Variants in INPP4B observed in about 807,000 individuals in gnomAD.
INPP4B encodes the protein inositol polyphosphate-4-phosphatase type II B.
In INPP4B, 55 loss-of-function variants were observed where a neutral mutation model predicts 122.5. That is an observed-to-expected ratio of 0.45 (90% CI 0.36 to 0.56). INPP4B has a LOEUF of 0.56. Among genes scored for constraint, INPP4B ranks in the 20% least tolerant of loss-of-function variants. INPP4B has a pLI of 0.00. For missense variants in INPP4B, 1,000 were observed against 1,097.7 expected, an observed-to-expected ratio of 0.91 and a Z score of 1.26; for synonymous variants, 403 against 388.7, an observed-to-expected ratio of 1.04 and a Z score of -0.43.
At chr4:142,555,175 G>T (rs1728872146) in intron 2 of INPP4B, among the ~76,000 whole-genome samples, 1 of 152,316 alleles carries the variant, frequency 6.6e-6, no homozygotes, top group Middle Eastern at 3.4e-3. Context: ...AAAGAGATGG[G>T]TTATGAGACA....
At chr4:142,517,651 G>T (rs192801342) in intron 2 of INPP4B, among the ~76,000 whole-genome samples, 1 of 152,034 alleles carries the variant, frequency 6.6e-6, no homozygotes, top group South Asian at 2.1e-4. Context: ...TCTTCAAAAC[G>T]TCTTAAGTTG....
At chr4:142,180,411 C>T (rs1830251711) in intron 15 of INPP4B, among the ~76,000 whole-genome samples, 1 of 151,932 alleles carries the variant, frequency 6.6e-6, no homozygotes, top group African/African-American at 2.4e-5. Flanking sequence ...CTAATAAAGC[C>T]AATATTTTAT....
chr4:142,157,377 C>T lies in INPP4B; in HGVS notation c.1563+2981G>A, dbSNP rs994491341. Among the ~76,000 whole-genome samples, 5 of 151,980 alleles carry T rather than the reference C, an allele frequency of 3.3e-5. No individual in the cohort carries two copies. In the East Asian group the frequency reaches 9.7e-4, roughly 29 times the overall value. ...GGAAAATCAATGAAAATGTTATATA[C>T]CAAACAAACTCGGTTCTTGTTTGCA... On this transcript the variant is annotated intron_variant, in intron 17 of 25. Coordinates refer to ENST00000262992, the MANE Select transcript of INPP4B (RefSeq NM_001101669.3).
Position 142,550,587 on chromosome 4 carries a change from T to TAC in INPP4B, c.-190-87862_-190-87861insGT, listed in dbSNP as rs1473832625. 4.8e-3 allele frequency among the ~76,000 whole-genome samples: 245 copies of TAC among 51,074 alleles called. 3 individuals are homozygous for TAC. The highest frequency in any genetic ancestry group is 0.02 in the Middle Eastern group (2 of 102). 33.5% of individuals were successfully genotyped at this position (51,074 alleles called of 152,430 possible). A position where few individuals can be genotyped will look rare whatever the true frequency, so the allele number is the denominator to read the frequency against. On this transcript the variant is annotated intron_variant, in intron 2 of 25. Coordinates refer to ENST00000262992, the MANE Select transcript of INPP4B (RefSeq NM_001101669.3). The stretch of plus-strand genomic sequence containing the variant: ...CACTTTCATCATTATATATGTAATA[T>TAC]ATACACACACACACACACATATATA...
intron 23 of INPP4B, among the ~76,000 whole-genome samples, chr4:142,089,715 AATG>A (rs146204716): frequency 0.075 from 11,372 of 152,126 alleles, 463 homozygotes; most frequent in African/African-American, 0.11. Context: ...AACCTTATGA[AATG>A]ATATTTACCC....
intron 2 of INPP4B, among the ~76,000 whole-genome samples, chr4:142,468,585 G>A (rs1818250102): frequency 6.6e-6 from 1 of 152,102 alleles, no homozygotes. Flanking sequence ...GAGTAAGTGA[G>A]TCCTCACTTT....
intron 2 of INPP4B, among the ~76,000 whole-genome samples, chr4:142,520,367 A>T (rs899261768): frequency 6.6e-6 from 1 of 151,982 alleles, no homozygotes; most frequent in African/African-American, 2.4e-5. Flanking sequence ...AACTTTAAAA[A>T]TTTGATATTT....
chr4:142,437,735 A>T (rs1047787888), intron 3 of INPP4B, among the ~76,000 whole-genome samples: 4 of 152,220 alleles, frequency 2.6e-5, no homozygotes, highest in African/African-American at 9.6e-5. Flanking sequence ...CCATCAGAAA[A>T]TACTATAAAC....
chr4:142,252,258 G>A (rs548989981), intron 11 of INPP4B, among the ~76,000 whole-genome samples: 5 of 148,958 alleles, frequency 3.4e-5, no homozygotes, highest in South Asian at 2.1e-4. Flanking sequence ...GCGCGATCTC[G>A]GCTCACTGCA....
chr4:142,617,170 A>G (rs1743893846), intron 2 of INPP4B, among the ~76,000 whole-genome samples: 1 of 152,082 alleles, frequency 6.6e-6, no homozygotes, highest in Non-Finnish European at 1.5e-5. Context: ...CTCCTAACCC[A>G]TTATCATTTA....
intron 9 of INPP4B, among the ~76,000 whole-genome samples, chr4:142,297,154 TC>T (rs1051379533): frequency 5.3e-5 from 8 of 152,332 alleles, no homozygotes; most frequent in African/African-American, 1.4e-4. Flanking sequence ...AGTATTTTTC[TC>T]CCAACTCTGG....
At chr4:142,144,881 C>T (rs570211078) in intron 18 of INPP4B, among the ~76,000 whole-genome samples, 3 of 151,866 alleles carry the variant, frequency 2.0e-5, no homozygotes, top group Admixed American at 2.0e-4. Flanking sequence ...AAACATAAAT[C>T]TAATTTTATA....
chr4:142,303,703 A>G (rs1266918496), intron 9 of INPP4B, among the ~76,000 whole-genome samples: 1 of 152,104 alleles, frequency 6.6e-6, no homozygotes, highest in Non-Finnish European at 1.5e-5. Flanking sequence ...TTGGTTTTCT[A>G]ACATTATTTT....
intron 25 of INPP4B, among the ~76,000 whole-genome samples, chr4:142,080,463 T>C (rs1417772976): frequency 2.0e-5 from 3 of 152,118 alleles, no homozygotes; most frequent in African/African-American, 7.2e-5. Context: ...ATACTAGGGA[T>C]TTGAAGTTAA....
At chr4:142,470,529 C>T (rs1382713453) in intron 2 of INPP4B, among the ~76,000 whole-genome samples, 3 of 152,144 alleles carry the variant, frequency 2.0e-5, no homozygotes, top group Non-Finnish European at 2.9e-5. Flanking sequence ...ATCTAGGAGG[C>T]ATTCTCACCA....
At chr4:142,176,799 C>G (rs1207205273) in intron 15 of INPP4B, among the ~76,000 whole-genome samples, 1 of 152,154 alleles carries the variant, frequency 6.6e-6, no homozygotes, top group African/African-American at 2.4e-5. Context: ...TCTTTAGAGA[C>G]ACCCTGTCAT....
intron 7 of INPP4B, among the ~76,000 whole-genome samples, chr4:142,327,105 C>T (rs1772669125): frequency 6.6e-6 from 1 of 152,102 alleles, no homozygotes; most frequent in Admixed American, 6.6e-5. Flanking sequence ...CAATTTATCA[C>T]AGTACCAGAC....
At chr4:142,224,316 A>T (rs6814868) in intron 12 of INPP4B, among the ~76,000 whole-genome samples, 5,216 of 152,252 alleles carry the variant, frequency 0.034, 291 homozygotes, top group African/African-American at 0.12. Flanking sequence ...GTTTTTGATA[A>T]AGAATTCACC....
chr4:142,509,800 T>C (rs941055700), intron 2 of INPP4B, among the ~76,000 whole-genome samples: 3 of 152,230 alleles, frequency 2.0e-5, no homozygotes, highest in African/African-American at 4.8e-5. Flanking sequence ...GGAGGAATCA[T>C]GGCCCCTGCC....
Sources: allele counts gnomAD v4.1 joint callset (sites outside exome capture counted in the v4.1 genomes callset), GRCh38; gene constraint gnomAD v4.1.1; transcripts MANE v1.5; gene names NCBI Gene and HGNC (gene_info 2026-07-23, HGNC 2026-07-21).